Variants in ATXN1 observed in about 807,000 individuals in gnomAD.
The protein encoded by ATXN1 is ataxin-1.
ATXN1 carries 8 observed loss-of-function variants against 56.4 expected under a neutral mutation model. The ratio of observed to expected loss-of-function variants is 0.14; its 90% CI spans 0.08 to 0.26. The LOEUF (loss-of-function observed/expected upper bound fraction) is 0.26, where lower values mean the gene tolerates loss of function less well. Ranked by LOEUF, ATXN1 falls within the 10% of genes least tolerant of loss-of-function variation. The pLI is 1.00. For synonymous variants in ATXN1, 514 were observed against 494.6 expected (o/e 1.04, Z -0.52); for missense variants, 987 against 1,106.5 (o/e 0.89, Z 1.53).
chr6:16,488,417 C>T (rs1211150457), intron 5 of ATXN1, among the ~76,000 whole-genome samples: 1 of 152,154 alleles, frequency 6.6e-6, no homozygotes, highest in Non-Finnish European at 1.5e-5. Flanking sequence ...ACTTAAACAG[C>T]TTTTATGCCC....
At chr6:16,357,384 C>T (rs1215789793) in intron 6 of ATXN1, among the ~76,000 whole-genome samples, 1 of 152,040 alleles carries the variant, frequency 6.6e-6, no homozygotes, top group Non-Finnish European at 1.5e-5. Flanking sequence ...GTTCTTCTGC[C>T]TCAGCCTCCT....
intron 5 of ATXN1, among the ~76,000 whole-genome samples, chr6:16,500,769 A>T (rs1203466267): frequency 6.6e-6 from 1 of 151,200 alleles, no homozygotes; most frequent in Non-Finnish European, 1.5e-5. Flanking sequence ...AACATTGAGG[A>T]AACTACCAAT....
At chr6:16,338,811 G>C (rs947815571) in intron 6 of ATXN1, among the ~76,000 whole-genome samples, 9 of 152,126 alleles carry the variant, frequency 5.9e-5, no homozygotes, top group African/African-American at 1.9e-4. Flanking sequence ...ATCTGTGATA[G>C]AAAAAGAGGA....
chr6:16,423,882 A>G lies in ATXN1; in HGVS notation c.-161+62090T>C, dbSNP rs73724868. On this transcript the variant is annotated intron_variant, in intron 6 of 7. Transcript: ENST00000436367. ...GTTTTTATGCATCATTTATCTTCAGAGAGTGTCTATCTGAGCTGCTTGAAG... is the reference window on the plus strand; with the variant it reads ...GTTTTTATGCATCATTTATCTTCAGGGAGTGTCTATCTGAGCTGCTTGAAG... 4.6e-3 allele frequency among the ~76,000 whole-genome samples: 703 copies of G among 152,348 alleles called. 9 individuals carry two copies. Among genetic ancestry groups the G allele is most frequent in the African/African-American group, 0.016 (659 of 41,576 alleles).
intron 4 of ATXN1, among the ~76,000 whole-genome samples, chr6:16,526,020 C>T (rs1157084258): frequency 7.3e-6 from 1 of 137,824 alleles, no homozygotes; most frequent in Non-Finnish European, 1.5e-5. Context: ...GTATATTGTA[C>T]ACATACATAT....
chr6:16,316,076 G>T (rs1393375394), intron 7 of ATXN1, among the ~76,000 whole-genome samples: 1 of 152,210 alleles, frequency 6.6e-6, no homozygotes, highest in Non-Finnish European at 1.5e-5. Flanking sequence ...AGCTGGAGGT[G>T]AGCAACCATT....
At chr6:16,685,020 A>AAC (rs3072311) in intron 2 of ATXN1, among the ~76,000 whole-genome samples, 31,870 of 150,970 alleles carry the variant, frequency 0.21, 3,703 homozygotes, top group Admixed American at 0.3. Context: ...TTCTACAGAC[A>AAC]ACACACACAC....
chr6:16,733,034 T>C (rs913932868), intron 2 of ATXN1, among the ~76,000 whole-genome samples: 2 of 152,212 alleles, frequency 1.3e-5, no homozygotes, highest in Non-Finnish European at 2.9e-5. Flanking sequence ...TCAAACATAT[T>C]TTCCAACCGA....
At position 16,323,652 on chromosome 6, in the gene ATXN1, C is replaced by A. The variant is rs146994728; in HGVS notation, c.1917+2742G>T. ...ATTCTCAAGCTGAAGTTGATGCTGGCCGGCAAGGAACCAGTCGCATTTCTA... is the reference window on the plus strand; with the variant it reads ...ATTCTCAAGCTGAAGTTGATGCTGGACGGCAAGGAACCAGTCGCATTTCTA... On this transcript the variant is annotated intron_variant, in intron 7 of 7. Coordinates refer to ENST00000436367, the MANE Select transcript of ATXN1 (RefSeq NM_001128164.2). Among the ~76,000 whole-genome samples, 387 of 152,086 alleles carry A rather than the reference C, an allele frequency of 2.5e-3. 5 individuals are homozygous for A. The highest frequency in any genetic ancestry group is 8.7e-3 in the African/African-American group (362 of 41,486).
intron 6 of ATXN1, among the ~76,000 whole-genome samples, chr6:16,346,590 T>G (rs1761394530): frequency 1.3e-5 from 2 of 152,244 alleles, no homozygotes; most frequent in Admixed American, 1.3e-4. Flanking sequence ...AGTGTCATGT[T>G]AGACCGGGCT....
chr6:16,368,350 T>G (rs1761972442), intron 6 of ATXN1, among the ~76,000 whole-genome samples: 1 of 123,608 alleles, frequency 8.1e-6, no homozygotes, highest in Admixed American at 7.4e-5. Context: ...CTTCTTTTTT[T>G]TTTTTTTTTT....
chr6:16,554,269 G>T (rs538564498), intron 4 of ATXN1, among the ~76,000 whole-genome samples: 1 of 152,318 alleles, frequency 6.6e-6, no homozygotes, highest in Non-Finnish European at 1.5e-5. Flanking sequence ...TTTGTTCAAG[G>T]CCATCAAGAG....
chr6:16,564,503 A>G (rs770402339), intron 4 of ATXN1, among the ~76,000 whole-genome samples: 4 of 152,256 alleles, frequency 2.6e-5, no homozygotes, highest in Admixed American at 6.5e-5. Flanking sequence ...GTATAGCCAT[A>G]CAATGTTACA....
chr6:16,476,730 T>G (rs961159976), intron 6 of ATXN1, among the ~76,000 whole-genome samples: 1 of 152,238 alleles, frequency 6.6e-6, no homozygotes, highest in African/African-American at 2.4e-5. Flanking sequence ...AAATATGGGA[T>G]GCTCTGAAAG....
intron 2 of ATXN1, among the ~76,000 whole-genome samples, chr6:16,708,445 G>C (rs1352242899): frequency 6.6e-6 from 1 of 152,098 alleles, no homozygotes; most frequent in East Asian, 1.9e-4. Context: ...AAATAAAATG[G>C]AAATACAAAA....
At chr6:16,541,162 C>T (rs1272587828) in intron 4 of ATXN1, among the ~76,000 whole-genome samples, 2 of 152,220 alleles carry the variant, frequency 1.3e-5, no homozygotes, top group Admixed American at 1.3e-4. Context: ...GGGCAGCCCA[C>T]AGCCTCAAAG....
intron 4 of ATXN1, among the ~76,000 whole-genome samples, chr6:16,527,930 T>C (rs149891742): frequency 7.8e-4 from 119 of 152,300 alleles, no homozygotes; most frequent in African/African-American, 2.7e-3. Context: ...AACTCTCTCG[T>C]GGTCACCGCT....
chr6:16,726,218 T>C (rs1382488865), intron 2 of ATXN1, among the ~76,000 whole-genome samples: 2 of 151,656 alleles, frequency 1.3e-5, no homozygotes, highest in Admixed American at 6.6e-5. Context: ...CCATCTCTAC[T>C]AAAATACAAA....
At chr6:16,447,925 A>G (rs1442655231) in intron 6 of ATXN1, among the ~76,000 whole-genome samples, 1 of 151,238 alleles carries the variant, frequency 6.6e-6, no homozygotes, top group Non-Finnish European at 1.5e-5. Flanking sequence ...TGTGCCATAT[A>G]GTAGAATAAC....
Sources: gnomAD v4.1 joint callset for allele counts (sites outside exome capture counted in the v4.1 genomes callset) on GRCh38, gnomAD v4.1.1 for gene constraint, MANE v1.5 for transcripts, NCBI Gene and HGNC (gene_info 2026-07-23, HGNC 2026-07-21) for gene names.